SLC14A2: variants seen among roughly 807,000 people sequenced by gnomAD.
SLC14A2 encodes the protein solute carrier family 14 member 2.
In SLC14A2, 91 loss-of-function variants were observed where a neutral mutation model predicts 104.6. The ratio of observed to expected loss-of-function variants is 0.87; its 90% CI spans 0.73 to 1.04. The LOEUF is 1.04. Among genes scored for constraint, SLC14A2 ranks in the 50% least tolerant of loss-of-function variants. The probability of loss-of-function intolerance (pLI) is 0.00; values close to 1 mark genes in which losing one functional copy is unlikely to be tolerated. For missense variants in SLC14A2, 1,189 were observed against 1,156.0 expected (o/e 1.03, Z -0.41); for synonymous variants, 476 against 466.4 (o/e 1.02, Z -0.27).
intron 1 of SLC14A2, among the ~76,000 whole-genome samples, chr18:45,364,804 G>C (rs1401528715): frequency 6.6e-6 from 1 of 152,144 alleles, no homozygotes; most frequent in Non-Finnish European, 1.5e-5. Flanking sequence ...CCAGAAGTAA[G>C]AATGGGTTCT....
chr18:45,531,620 G>A (rs1397161672), intron 2 of SLC14A2, among the ~76,000 whole-genome samples: 1 of 152,116 alleles, frequency 6.6e-6, no homozygotes, highest in Non-Finnish European at 1.5e-5. Flanking sequence ...AGATGAGTAG[G>A]TTGCAAACAT....
At chr18:45,584,872 C>T (rs2044545290) in intron 2 of SLC14A2, among the ~76,000 whole-genome samples, 1 of 152,152 alleles carries the variant, frequency 6.6e-6, no homozygotes, top group African/African-American at 2.4e-5. Context: ...GTGCTGGAAT[C>T]GGAATCTTGA....
In SLC14A2 at chr18:45,644,293, A is replaced by C. The variant is rs1599110813; in HGVS notation, c.1351+133A>C. 3 of 726,960 alleles carry C rather than the reference A, an allele frequency of 4.1e-6. No homozygotes were observed. The East Asian group carries it at 8.0e-5, about 19-fold the overall frequency. The allele number at this position is 726,960 out of a possible 1,614,324, so 45.0% of individuals were successfully genotyped here. On this transcript the variant is annotated intron_variant, in intron 10 of 19. Coordinates refer to ENST00000255226, the MANE Select transcript of SLC14A2 (RefSeq NM_007163.4). ...TCCTTGCACCTGTGTAGAACCAAGC[A>C]CACCTGTAACTTTCTTTCCCTGAAG...
rs565632188 is a variant in SLC14A2 at position 45,627,163 on chromosome 18, T to A, written c.521+16T>A. On this transcript the variant is annotated intron_variant, in intron 4 of 19. Transcript: ENST00000255226. ...GCCAAGACAGGTGGGTCCCTCTCTA[T>A]AGGGATTTTAGCAAGATGTGTGGAA... 6.2e-7 allele frequency: 1 copy of A among 1,607,122 alleles called. No homozygotes were observed. The highest frequency in any genetic ancestry group is 8.5e-7 in the Non-Finnish European group (1 of 1,174,250).
intron 4 of SLC14A2, among the ~76,000 whole-genome samples, chr18:45,630,284 T>C (rs1007078743): frequency 7.9e-5 from 12 of 152,140 alleles, no homozygotes; most frequent in African/African-American, 2.4e-4. Flanking sequence ...ACATATCTTC[T>C]AAGGAGCCAC....
intron 1 of SLC14A2, among the ~76,000 whole-genome samples, chr18:45,406,488 T>A (rs376635933): frequency 5.9e-5 from 9 of 152,338 alleles, no homozygotes; most frequent in African/African-American, 2.2e-4. Context: ...GTTAATGTTG[T>A]AATTTTGGCC....
At chr18:45,531,974 T>G (rs533697663) in intron 2 of SLC14A2, among the ~76,000 whole-genome samples, 28 of 152,354 alleles carry the variant, frequency 1.8e-4, no homozygotes, top group African/African-American at 6.3e-4. Context: ...TCCCCATTTC[T>G]TCTTTTTGTC....
the SLC14A2 span, among the ~76,000 whole-genome samples, chr18:45,179,531 A>G: frequency 6.6e-6 from 1 of 152,206 alleles, no homozygotes; most frequent in East Asian, 1.9e-4. Context: ...TGCTTTTGCC[A>G]CATTGTAAGA....
At chr18:45,645,547 A>T (rs2045603977) in intron 10 of SLC14A2, among the ~76,000 whole-genome samples, 1 of 102,216 alleles carries the variant, frequency 9.8e-6, no homozygotes, top group Non-Finnish European at 2.3e-5. Context: ...TAGAAAGACA[A>T]TTATCTATGA....
At chr18:45,576,718 T>C (rs1328526582) in intron 2 of SLC14A2, among the ~76,000 whole-genome samples, 11 of 152,134 alleles carry the variant, frequency 7.2e-5, no homozygotes, top group Non-Finnish European at 1.3e-4. Context: ...CTACACTGTG[T>C]TTTAAAATTT....
At chr18:45,271,105 C>T (rs907390515) in intron 1 of SLC14A2, among the ~76,000 whole-genome samples, 1 of 152,188 alleles carries the variant, frequency 6.6e-6, no homozygotes, top group African/African-American at 2.4e-5. Context: ...GTGGATCCCA[C>T]TTTCAGATAA....
intron 1 of SLC14A2, among the ~76,000 whole-genome samples, chr18:45,285,669 C>G (rs967138178): frequency 1.3e-3 from 184 of 139,620 alleles, no homozygotes; most frequent in South Asian, 4.5e-3. Context: ...CTGCCCCCCC[C>G]CCCCCTCGGC....
intron 2 of SLC14A2, among the ~76,000 whole-genome samples, chr18:45,546,718 A>G (rs995371891): frequency 1.3e-5 from 2 of 152,210 alleles, no homozygotes; most frequent in African/African-American, 4.8e-5. Flanking sequence ...CTGTGCCTCA[A>G]TTTCCTCATC....
At chr18:45,375,528 T>C (rs530222599) in intron 1 of SLC14A2, among the ~76,000 whole-genome samples, 45 of 152,312 alleles carry the variant, frequency 3.0e-4, no homozygotes, top group Non-Finnish European at 5.4e-4. Context: ...ACCCACCAAG[T>C]TGTCCTTAAA....
At chr18:45,666,288 C>G (rs1031955309) in intron 12 of SLC14A2, 69 bp downstream of exon 12, 4 of 1,041,726 alleles carry the variant, frequency 3.8e-6, no homozygotes, top group Non-Finnish European at 4.5e-6. Context: ...GATGAGGGAG[C>G]TGAGAGCTGT....
chr18:45,611,286 C>G (rs1178683964), upstream of SLC14A2, among the ~76,000 whole-genome samples: 1 of 152,210 alleles, frequency 6.6e-6, no homozygotes, highest in African/African-American at 2.4e-5. Flanking sequence ...ATTTCTACCC[C>G]CTCCCAGGGA....
In SLC14A2 at chr18:45,229,095, T is replaced by G. The variant is rs112271820; in HGVS notation, c.-125+15904T>G. Among the ~76,000 whole-genome samples the G allele has an allele frequency of 1.7e-3, 252 of 152,296 alleles. 2 individuals carry two copies. The highest frequency in any genetic ancestry group is 5.8e-3 in the African/African-American group (243 of 41,552). On this transcript the variant is annotated intron_variant, in intron 1 of 20. Coordinates refer to the SLC14A2 transcript ENST00000586448. ...TGTTTCCCTGCTTTTGCACTGTGAA[T>G]TATTGGCCTGTAGTCTTTTCAAAAG... is the stretch of plus-strand genomic sequence containing the variant.
the SLC14A2 span, among the ~76,000 whole-genome samples, chr18:45,174,626 C>G: frequency 6.6e-6 from 1 of 152,168 alleles, no homozygotes. Context: ...ATGTACCCTT[C>G]TGCACACACA....
intron 1 of SLC14A2, among the ~76,000 whole-genome samples, chr18:45,281,739 C>T (rs934140398): frequency 7.2e-5 from 11 of 152,200 alleles, no homozygotes; most frequent in African/African-American, 2.7e-4. Context: ...GTCATCCTGC[C>T]TGGGTCAGGA....
Sources: allele counts gnomAD v4.1 joint callset (sites outside exome capture counted in the v4.1 genomes callset), GRCh38; gene constraint gnomAD v4.1.1; transcripts MANE v1.5; gene names NCBI Gene and HGNC (gene_info 2026-07-23, HGNC 2026-07-21).